The following WWOX variants were observed in gnomAD, a reference collection of about 807,000 sequenced individuals.
The protein encoded by WWOX is WW domain containing oxidoreductase, also known as WW domain-containing oxidoreductase.
Under a neutral mutation model 46.2 loss-of-function variants are expected in WWOX, and 69 were observed. The observed-to-expected ratio is 1.49, with a 90% confidence interval of 1.23 to 1.82. WWOX has a LOEUF of 1.82. Ranked by LOEUF, WWOX falls within the 40% of genes most tolerant of loss-of-function variation. The probability of loss-of-function intolerance (pLI) is 0.00; values close to 1 mark genes in which losing one functional copy is unlikely to be tolerated. For synonymous variants in WWOX, 359 were observed against 202.6 expected (o/e 1.77, Z -6.56); for missense variants, 919 against 542.6 (o/e 1.69, Z -6.89).
At chr16:79,179,087 G>A (rs1005637840) in intron 8 of WWOX, among the ~76,000 whole-genome samples, 6 of 152,142 alleles carry the variant, frequency 3.9e-5, no homozygotes, top group African/African-American at 1.4e-4. Flanking sequence ...GGGGACCAAG[G>A]TCCTGCTAAG....
intron 8 of WWOX, among the ~76,000 whole-genome samples, chr16:78,569,855 C>A (rs891127500): frequency 1.3e-5 from 2 of 152,164 alleles, no homozygotes; most frequent in African/African-American, 2.4e-5. Flanking sequence ...GTGACCTCAT[C>A]GACAGGCTGC....
At chr16:78,106,102 A>G (rs1000117332) in intron 1 of WWOX, among the ~76,000 whole-genome samples, 13 of 152,162 alleles carry the variant, frequency 8.5e-5, no homozygotes, top group Non-Finnish European at 1.5e-4. Context: ...GTACCCCGCC[A>G]CTCCATGGAT....
At chr16:78,850,845 G>C (rs2052424969) in intron 8 of WWOX, among the ~76,000 whole-genome samples, 2 of 152,096 alleles carry the variant, frequency 1.3e-5, no homozygotes, top group Admixed American at 1.3e-4. Context: ...GTCTATTTTT[G>C]GTGATTGAGT....
intron 8 of WWOX, among the ~76,000 whole-genome samples, chr16:78,755,419 T>G (rs534733795): frequency 6.6e-6 from 1 of 152,178 alleles, no homozygotes; most frequent in Admixed American, 6.5e-5. Context: ...ACCATGATAT[T>G]ACATGTTGGG....
intron 7 of WWOX, among the ~76,000 whole-genome samples, chr16:78,430,150 A>C: frequency 6.6e-6 from 1 of 152,212 alleles, no homozygotes; most frequent in East Asian, 1.9e-4. Flanking sequence ...CTTACATGAC[A>C]TCAGGCAACA....
chr16:79,177,233 C>G (rs776914097), intron 8 of WWOX, among the ~76,000 whole-genome samples: 1 of 152,102 alleles, frequency 6.6e-6, no homozygotes, highest in Non-Finnish European at 1.5e-5. Flanking sequence ...TCTTATCAGC[C>G]GCGAGTGCCG....
chr16:78,322,489 A>G (rs72792350), intron 5 of WWOX, among the ~76,000 whole-genome samples: 4,413 of 152,310 alleles, frequency 0.029, 106 homozygotes, highest in Non-Finnish European at 0.046. Flanking sequence ...CCAGTGAGAT[A>G]GATGTTATTA....
At position 78,828,450 on chromosome 16, in the gene WWOX, C is replaced by T. The variant is rs189759665; in HGVS notation, c.1057-383158C>T. ...CATCGTCACCATCAGTGTTACTGTT[C>T]CCTGCCATCTGCCTGTGGGGTGTCT... On this transcript the variant is annotated intron_variant, in intron 8 of 8. Coordinates refer to ENST00000566780, the MANE Select transcript of WWOX (RefSeq NM_016373.4). Among the ~76,000 whole-genome samples the T allele has an allele frequency of 7.8e-3, 1,194 of 152,224 alleles. 12 individuals carry two copies. Among genetic ancestry groups the T allele is most frequent in the Non-Finnish European group, 0.011 (753 of 68,008 alleles).
chr16:78,716,754 A>G (rs2048571506), intron 8 of WWOX, among the ~76,000 whole-genome samples: 1 of 152,048 alleles, frequency 6.6e-6, no homozygotes, highest in Non-Finnish European at 1.5e-5. Context: ...TCTCTATTCG[A>G]ATTGCAGGAT....
intron 8 of WWOX, among the ~76,000 whole-genome samples, chr16:79,060,271 A>T (rs772988468): frequency 6.6e-6 from 1 of 152,202 alleles, no homozygotes; most frequent in Admixed American, 6.5e-5. Context: ...GAAATTGCAA[A>T]AATACTACAA....
chr16:78,622,255 C>T (rs567287306), intron 8 of WWOX, among the ~76,000 whole-genome samples: 24 of 152,146 alleles, frequency 1.6e-4, no homozygotes, highest in East Asian at 1.9e-4. Flanking sequence ...AAAAGTGAAC[C>T]CTTGTGGCTG....
At chr16:79,059,154 G>A (rs891221743) in intron 8 of WWOX, among the ~76,000 whole-genome samples, 1 of 152,180 alleles carries the variant, frequency 6.6e-6, no homozygotes, top group African/African-American at 2.4e-5. Flanking sequence ...ACAGGTGGGA[G>A]AATTATGGAA....
intron 4 of WWOX, among the ~76,000 whole-genome samples, chr16:78,140,995 C>A (rs913476467): frequency 6.6e-6 from 1 of 152,172 alleles, no homozygotes; most frequent in African/African-American, 2.4e-5. Context: ...CAGCAGTGAA[C>A]AAAGTGCTCC....
At chr16:78,788,968 C>A (rs946798235) in intron 8 of WWOX, among the ~76,000 whole-genome samples, 2 of 152,060 alleles carry the variant, frequency 1.3e-5, no homozygotes, top group Non-Finnish European at 2.9e-5. Flanking sequence ...GAAACTAGAC[C>A]CTTATCATAT....
intron 8 of WWOX, among the ~76,000 whole-genome samples, chr16:78,916,451 C>T (rs555526234): frequency 2.7e-4 from 41 of 152,260 alleles, no homozygotes; most frequent in African/African-American, 6.3e-4. Context: ...CCACAATTAT[C>T]GCTAAAGAGA....
intron 8 of WWOX, among the ~76,000 whole-genome samples, chr16:79,043,596 C>G (rs993069401): frequency 1.3e-5 from 2 of 152,132 alleles, no homozygotes; most frequent in Non-Finnish European, 2.9e-5. Context: ...CATTATAACC[C>G]TAATGTTTGC....
chr16:78,704,554 G>A (rs2048292438), intron 8 of WWOX, among the ~76,000 whole-genome samples: 1 of 152,132 alleles, frequency 6.6e-6, no homozygotes, highest in African/African-American at 2.4e-5. Flanking sequence ...TACAGTTTAC[G>A]AAACTCTAAT....
At chr16:78,954,488 C>G (rs113668462) in intron 8 of WWOX, among the ~76,000 whole-genome samples, 264 of 152,260 alleles carry the variant, frequency 1.7e-3, no homozygotes, top group African/African-American at 5.8e-3. Flanking sequence ...TAAAAATCTG[C>G]ATTGATAGCC....
rs148359716 is a variant in WWOX, at chr16:78,175,435, A to G, written c.516+11146A>G. 4.7e-3 allele frequency among the ~76,000 whole-genome samples: 723 copies of G among 152,312 alleles called. 4 individuals are homozygous for G. Among genetic ancestry groups the G allele is most frequent in the Non-Finnish European group, 6.9e-3 (470 of 68,022 alleles). On this transcript the variant is annotated intron_variant, in intron 5 of 8. Transcript: ENST00000566780. ...GGCTGTACTTAGTGACTCACTCTCCATGAATAGAATTTGGCAGAAATGGCC... is the reference window on the plus strand; with the variant it reads ...GGCTGTACTTAGTGACTCACTCTCCGTGAATAGAATTTGGCAGAAATGGCC...
Sources: gnomAD v4.1 joint callset for allele counts (sites outside exome capture counted in the v4.1 genomes callset) on GRCh38, gnomAD v4.1.1 for gene constraint, MANE v1.5 for transcripts, NCBI Gene and HGNC (gene_info 2026-07-23, HGNC 2026-07-21) for gene names.